CNNM1: variants seen among roughly 807,000 people sequenced by gnomAD.
The protein encoded by CNNM1 is metal transporter CNNM1.
Under a neutral mutation model 78.8 loss-of-function variants are expected in CNNM1, and 44 were observed. The ratio of observed to expected loss-of-function variants is 0.56; its 90% confidence interval spans 0.44 to 0.72. CNNM1 has a LOEUF of 0.72. Ranked by LOEUF, CNNM1 falls within the 30% of genes least tolerant of loss-of-function variation. The probability of loss-of-function intolerance (pLI) is 0.00; values close to 1 mark genes in which losing one functional copy is unlikely to be tolerated. For synonymous variants in CNNM1, 584 were observed against 581.5 expected (o/e 1.00, Z -0.06); for missense variants, 1,101 against 1,292.2 (o/e 0.85, Z 2.27).
chr10:99,390,290 T>G lies in CNNM1; in HGVS notation c.2675-16T>G, dbSNP rs1368547806. 1 of 1,594,216 alleles carries G rather than the reference T, an allele frequency of 6.3e-7. No individual in the cohort carries two copies. Among genetic ancestry groups the G allele is most frequent in the South Asian group, 1.1e-5 (1 of 88,486 alleles). On this transcript the variant is annotated splice_polypyrimidine_tract_variant and intron_variant, in intron 9 of 10. Transcript: ENST00000356713. Reference sequence around the variant, plus strand: ...GTAGGTTGAGACAACTTGAGTTCTCTCCTTTCCTTTCTCAGCATCAGATAG... The same window carrying G: ...GTAGGTTGAGACAACTTGAGTTCTCGCCTTTCCTTTCTCAGCATCAGATAG...
Position 99,393,265 on chromosome 10 carries a change from A to C in CNNM1, c.*1749A>C, listed in dbSNP as rs936653917. 6.6e-6 allele frequency: 1 copy of C among 152,426 alleles called. No homozygotes were observed. The highest frequency in any genetic ancestry group is 1.5e-5 in the Non-Finnish European group (1 of 67,992). 9.4% of individuals were successfully genotyped at this position (152,426 alleles called of 1,614,324 possible). On this transcript the variant is annotated 3_prime_UTR_variant, in exon 11 of 11. Coordinates refer to ENST00000356713, the MANE Select transcript of CNNM1 (RefSeq NM_020348.3). Reference sequence around the variant, plus strand: ...ACCCATTGAGTCATTCACAGGCAGGAGGGAGACTGATCATTCCTCTGGGTT... The same window carrying C: ...ACCCATTGAGTCATTCACAGGCAGGCGGGAGACTGATCATTCCTCTGGGTT...
At chr10:99,382,088 G>A (rs562865610) in intron 7 of CNNM1, among the ~76,000 whole-genome samples, 186 of 152,298 alleles carry the variant, frequency 1.2e-3, no homozygotes, top group Non-Finnish European at 1.8e-3. Context: ...TTCACAGGGC[G>A]AAGCCCCTGT....
At chr10:99,364,375 C>A in intron 4 of CNNM1, 42 bp from the exon 5 acceptor site, 1 of 1,445,848 alleles carries the variant, frequency 6.9e-7, no homozygotes, top group Non-Finnish European at 9.6e-7. Context: ...ACTGGAAGTG[C>A]TCATACACAT....
At chr10:99,337,306 T>A (rs2030233392) in intron 1 of CNNM1, among the ~76,000 whole-genome samples, 1 of 152,218 alleles carries the variant, frequency 6.6e-6, no homozygotes, top group Non-Finnish European at 1.5e-5. Flanking sequence ...CCCCGCTGCC[T>A]ACGGGAGAGA....
chr10:99,383,205 A>G (rs2032208468), intron 7 of CNNM1, among the ~76,000 whole-genome samples: 1 of 152,240 alleles, frequency 6.6e-6, no homozygotes, highest in Non-Finnish European at 1.5e-5. Context: ...GTTAAATAAT[A>G]GTGACCAATG....
intron 2 of CNNM1, 40 bp from the exon 3 acceptor site, chr10:99,360,795 A>T: frequency 6.5e-7 from 1 of 1,546,490 alleles, no homozygotes; most frequent in Middle Eastern, 1.7e-4. Context: ...GATCAACGTG[A>T]TTCTGAGATA....
chr10:99,341,439 C>T (rs890892665), intron 1 of CNNM1, among the ~76,000 whole-genome samples: 5 of 151,822 alleles, frequency 3.3e-5, no homozygotes, highest in Admixed American at 1.3e-4. Flanking sequence ...CCTCCAGGAA[C>T]GAGAAAGAAG....
chr10:99,369,010 G>A (rs914207985), intron 6 of CNNM1, among the ~76,000 whole-genome samples: 1 of 152,188 alleles, frequency 6.6e-6, no homozygotes, highest in Non-Finnish European at 1.5e-5. Flanking sequence ...AGTAGGAATA[G>A]TGGAATACTG....
At chr10:99,353,205 T>C (rs1223927167) in intron 1 of CNNM1, among the ~76,000 whole-genome samples, 2 of 152,216 alleles carry the variant, frequency 1.3e-5, no homozygotes, top group African/African-American at 4.8e-5. Flanking sequence ...TTTTGATTTG[T>C]ATTTCCTTAC....
In CNNM1 at chr10:99,377,105, A is replaced by C. The variant is rs775433263; in HGVS notation, c.2227A>C (p.Asn743His). 1.9e-6 allele frequency: 3 copies of C among 1,600,650 alleles called. No individual in the cohort carries two copies. Residue 743 changes from asparagine (N) to histidine (H), a missense_variant, in exon 7 of 11, where the codon AAC (asparagine) becomes CAC (histidine). Asn to His is a moderately conservative substitution (Grantham distance 68). Coordinates refer to ENST00000356713, the MANE Select transcript of CNNM1 (RefSeq NM_020348.3). ...CSGLNRSESP[N>H]RERSDFGGSN... ...TGGGTTGAATCGCTCTGAGTCTCCA[A>C]ACCGAGAGCGCAGTGACTTTGGGGG...
chr10:99,385,648 G>C (rs1363568153), intron 7 of CNNM1, among the ~76,000 whole-genome samples: 1 of 152,220 alleles, frequency 6.6e-6, no homozygotes, highest in Admixed American at 6.5e-5. Flanking sequence ...ATTCACTCAT[G>C]TTATCTCATT....
chr10:99,351,287 T>C (rs2030936957), intron 1 of CNNM1, among the ~76,000 whole-genome samples: 5 of 152,196 alleles, frequency 3.3e-5, no homozygotes, highest in African/African-American at 1.2e-4. Flanking sequence ...AGGAGATTAG[T>C]ACAGAAGCCA....
At chr10:99,333,086 TCTAA>T (rs1486329794) in intron 1 of CNNM1, among the ~76,000 whole-genome samples, 1 of 152,156 alleles carries the variant, frequency 6.6e-6, no homozygotes, top group Non-Finnish European at 1.5e-5. Context: ...GTCACCACCT[TCTAA>T]CTGTGTCCTG....
At chr10:99,344,703 A>G (rs1418786412) in intron 1 of CNNM1, among the ~76,000 whole-genome samples, 2 of 152,162 alleles carry the variant, frequency 1.3e-5, no homozygotes, top group African/African-American at 4.8e-5. Flanking sequence ...GGCAAATAAA[A>G]AAACCTGACC....
chr10:99,334,065 A>T (rs1450222907), intron 1 of CNNM1, among the ~76,000 whole-genome samples: 1 of 152,254 alleles, frequency 6.6e-6, no homozygotes, highest in Non-Finnish European at 1.5e-5. Context: ...AACTTATTAG[A>T]AATGCAGAAT....
intron 1 of CNNM1, among the ~76,000 whole-genome samples, chr10:99,333,068 G>A (rs557956075): frequency 6.6e-6 from 1 of 152,236 alleles, no homozygotes; most frequent in East Asian, 1.9e-4. Context: ...GTCTCTCCTT[G>A]GCTTGCAGTC....
chr10:99,384,357 TAA>T (rs1182191689), intron 7 of CNNM1, among the ~76,000 whole-genome samples: 4 of 151,872 alleles, frequency 2.6e-5, no homozygotes, highest in Non-Finnish European at 5.9e-5. Flanking sequence ...AAATTTTTTT[TAA>T]AAAGAGAGCT....
chr10:99,338,251 A>C (rs1319542224), intron 1 of CNNM1, among the ~76,000 whole-genome samples: 1 of 152,126 alleles, frequency 6.6e-6, no homozygotes, highest in Non-Finnish European at 1.5e-5. Flanking sequence ...AAATGCAAAA[A>C]TGCAATGGGA....
chr10:99,364,596 C>A (rs921389135), intron 5 of CNNM1, 80 bp downstream of exon 5: 8 of 1,141,290 alleles, frequency 7.0e-6, no homozygotes, highest in East Asian at 2.6e-5. Context: ...CTTGACTCCC[C>A]CTTTGACTCT....
Sources: gnomAD v4.1 joint callset for allele counts (sites outside exome capture counted in the v4.1 genomes callset) on GRCh38, gnomAD v4.1.1 for gene constraint, MANE v1.5 for transcripts, NCBI Gene and HGNC (gene_info 2026-07-23, HGNC 2026-07-21) for gene names.